BICC1: variants seen among roughly 807,000 people sequenced by gnomAD.
The protein encoded by BICC1 is BicC family RNA binding protein 1.
In BICC1, 43 loss-of-function variants were observed where a neutral mutation model predicts 111.0. The observed-to-expected ratio is 0.39, with a 90% confidence interval of 0.30 to 0.50. The LOEUF (loss-of-function observed/expected upper bound fraction) is 0.50. Ranked by LOEUF, BICC1 falls within the 20% of genes least tolerant of loss-of-function variation. The probability of loss-of-function intolerance (pLI) is 0.88; values close to 1 mark genes in which losing one functional copy is unlikely to be tolerated. For missense variants in BICC1, 1,091 were observed against 1,203.2 expected, an observed-to-expected ratio of 0.91 and a Z score of 1.38; for synonymous variants, 467 against 434.4, an observed-to-expected ratio of 1.07 and a Z score of -0.93.
chr10:58,705,983 G>A (rs531269832), intron 3 of BICC1, among the ~76,000 whole-genome samples: 9 of 152,152 alleles, frequency 5.9e-5, no homozygotes, highest in Non-Finnish European at 2.9e-5. Context: ...TCTTAAAGAG[G>A]GTCACGATTA....
intron 1 of BICC1, among the ~76,000 whole-genome samples, chr10:58,522,832 G>A (rs1842428775): frequency 1.3e-5 from 2 of 151,824 alleles, no homozygotes; most frequent in South Asian, 4.2e-4. Context: ...AGAAAAGAGA[G>A]AAGAATCAAA....
At chr10:58,668,341 A>C (rs2132313995) in intron 2 of BICC1, among the ~76,000 whole-genome samples, 1 of 152,208 alleles carries the variant, frequency 6.6e-6, no homozygotes, top group East Asian at 1.9e-4. Context: ...TGACCTTATA[A>C]AATAAAGGGA....
intron 1 of BICC1, 95 bp downstream of exon 1, chr10:58,513,428 TAC>T: frequency 7.9e-7 from 1 of 1,258,758 alleles, no homozygotes; most frequent in Non-Finnish European, 1.0e-6. Context: ...TACTCCAGCC[TAC>T]GGCCGGCCGG....
chr10:58,621,473 G>T, intron 2 of BICC1, among the ~76,000 whole-genome samples: 1 of 151,892 alleles, frequency 6.6e-6, no homozygotes, highest in Non-Finnish European at 1.5e-5. Flanking sequence ...ATTTCTAAGT[G>T]CCCTGGCCTT....
intron 2 of BICC1, among the ~76,000 whole-genome samples, chr10:58,677,763 G>A (rs1351482785): frequency 2.0e-5 from 3 of 152,110 alleles, no homozygotes; most frequent in African/African-American, 7.2e-5. Flanking sequence ...CACCAAGGTT[G>A]AAATGAAGGA....
At chr10:58,766,636 G>A (rs757495239) in intron 3 of BICC1, among the ~76,000 whole-genome samples, 1 of 152,064 alleles carries the variant, frequency 6.6e-6, no homozygotes, top group Non-Finnish European at 1.5e-5. Context: ...GTACCTTTGT[G>A]GGAGTCTGAG....
intron 3 of BICC1, among the ~76,000 whole-genome samples, chr10:58,721,866 T>C (rs1386412806): frequency 6.6e-6 from 1 of 152,162 alleles, no homozygotes; most frequent in African/African-American, 2.4e-5. Context: ...GCATTGATGA[T>C]TGATCACAAG....
chr10:58,656,577 A>G (rs1838659545), intron 2 of BICC1, among the ~76,000 whole-genome samples: 1 of 151,618 alleles, frequency 6.6e-6, no homozygotes, highest in South Asian at 2.1e-4. Flanking sequence ...TCCAGCATAT[A>G]AACAGAGCCA....
chr10:58,822,473 T>C (rs541493758), intron 20 of BICC1, among the ~76,000 whole-genome samples: 96 of 152,226 alleles, frequency 6.3e-4, no homozygotes, highest in African/African-American at 2.3e-3. Flanking sequence ...AAATAATATT[T>C]TTTCTAATCA....
chr10:58,823,159 C>A, intron 20 of BICC1: 1 of 851,586 alleles, frequency 1.2e-6, no homozygotes, highest in Non-Finnish European at 1.4e-6. Context: ...GGACGCTTAG[C>A]ATCCTGTTGA....
At chr10:58,710,223 T>C (rs1305879196) in intron 3 of BICC1, among the ~76,000 whole-genome samples, 1 of 152,196 alleles carries the variant, frequency 6.6e-6, no homozygotes, top group Non-Finnish European at 1.5e-5. Flanking sequence ...TTCCAGTTGG[T>C]AAGTAGCAGA....
chr10:58,727,913 T>A (rs1476389436), intron 3 of BICC1, among the ~76,000 whole-genome samples: 1 of 152,232 alleles, frequency 6.6e-6, no homozygotes, highest in East Asian at 1.9e-4. Flanking sequence ...GGTAGTTGAT[T>A]AAGTGTGCAA....
At chr10:58,712,298 T>A (rs973571027) in intron 3 of BICC1, among the ~76,000 whole-genome samples, 1 of 152,228 alleles carries the variant, frequency 6.6e-6, no homozygotes, top group African/African-American at 2.4e-5. Context: ...TTGCAGTTTC[T>A]TGTAGAATTA....
intron 3 of BICC1, among the ~76,000 whole-genome samples, chr10:58,709,469 G>T (rs1319487139): frequency 6.6e-6 from 1 of 152,186 alleles, no homozygotes; most frequent in Non-Finnish European, 1.5e-5. Context: ...ACTGTGCTAG[G>T]TGGTCAGCTC....
intron 2 of BICC1, among the ~76,000 whole-genome samples, chr10:58,683,291 T>C (rs1271525874): frequency 2.0e-5 from 3 of 152,234 alleles, no homozygotes; most frequent in Non-Finnish European, 2.9e-5. Context: ...CATAGCCTTG[T>C]AATATAGTTT....
At chr10:58,631,153 A>T (rs1386427224) in intron 2 of BICC1, among the ~76,000 whole-genome samples, 2 of 152,150 alleles carry the variant, frequency 1.3e-5, no homozygotes, top group African/African-American at 4.8e-5. Context: ...TATTGTTTTC[A>T]TCCCTCTTAC....
intron 2 of BICC1, among the ~76,000 whole-genome samples, chr10:58,652,464 C>T (rs1337783465): frequency 1.3e-5 from 2 of 152,098 alleles, no homozygotes; most frequent in Non-Finnish European, 2.9e-5. Context: ...TCTGTATACA[C>T]ACACTTGCAT....
intron 1 of BICC1, among the ~76,000 whole-genome samples, chr10:58,538,457 A>G (rs1468306061): frequency 2.0e-5 from 3 of 151,840 alleles, no homozygotes; most frequent in Non-Finnish European, 4.4e-5. Context: ...ACCTGTCACC[A>G]TATACAAAAA....
intron 1 of BICC1, among the ~76,000 whole-genome samples, chr10:58,561,748 G>A (rs1198430532): frequency 6.6e-6 from 1 of 151,934 alleles, no homozygotes; most frequent in East Asian, 1.9e-4. Context: ...ATGCTTTCAT[G>A]ATGTTAAATT....
Sources: allele counts gnomAD v4.1 joint callset (sites outside exome capture counted in the v4.1 genomes callset), GRCh38; gene constraint gnomAD v4.1.1; transcripts MANE v1.5; gene names NCBI Gene and HGNC (gene_info 2026-07-23, HGNC 2026-07-21).